The following THNSL1 variants were observed in gnomAD, a reference collection of about 807,000 sequenced individuals.
THNSL1 encodes the protein threonine synthase-like 1.
Under a neutral mutation model 50.4 loss-of-function variants are expected in THNSL1, and 48 were observed. The observed-to-expected ratio is 0.95, with a 90% confidence interval of 0.76 to 1.21. The LOEUF is 1.21. Ranked by LOEUF, THNSL1 falls within the 50% of genes most tolerant of loss-of-function variation. The pLI, the probability that THNSL1 is intolerant of heterozygous loss-of-function variation, is 0.00. For synonymous variants in THNSL1, 309 were observed against 306.1 expected (o/e 1.01, Z -0.10); for missense variants, 896 against 871.7 (o/e 1.03, Z -0.35).
At chr10:24,995,674 C>T in the THNSL1 span, 13 of 1,613,638 alleles carry the variant, frequency 8.1e-6, no homozygotes, top group Admixed American at 3.3e-5. Flanking sequence ...TGGAACTAGT[C>T]CTGAAGGCTC....
the THNSL1 span, among the ~76,000 whole-genome samples, chr10:25,004,813 T>C: frequency 6.6e-6 from 1 of 152,206 alleles, no homozygotes; most frequent in Non-Finnish European, 1.5e-5. Flanking sequence ...GCTTTTGGCA[T>C]CTTCATCATT....
At position 25,025,306 on chromosome 10, in the gene THNSL1, C is replaced by G. The variant is rs765528690; in HGVS notation, c.2083C>G (p.Leu695Val). The G allele has an allele frequency of 6.2e-7, 1 of 1,614,174 alleles. No individual in the cohort carries two copies. ...GACTTCATCAAGTCAGCTCTATTTG[C>G]TGGGTTCATACAATGCATTACCTCC... is the stretch of plus-strand genomic sequence containing the variant. Reference protein sequence around the residue: ...NETSSSQLYLLGSYNALPPLH... With the variant: ...NETSSSQLYLVGSYNALPPLH... Residue 695 changes from leucine to valine, a missense_variant, in exon 3 of 3, where the codon CTG becomes GTG. Coordinates refer to ENST00000376356, the MANE Select transcript of THNSL1 (RefSeq NM_024838.5).
the THNSL1 span, among the ~76,000 whole-genome samples, chr10:24,956,492 G>A: frequency 7.2e-6 from 1 of 138,572 alleles, no homozygotes; most frequent in Admixed American, 7.1e-5. Flanking sequence ...TTTATATTGT[G>A]TTTACTTACT....
chr10:25,002,015 T>C, the THNSL1 span, among the ~76,000 whole-genome samples: 4 of 152,224 alleles, frequency 2.6e-5, no homozygotes, highest in Admixed American at 2.0e-4. Flanking sequence ...TTAGCTTTTT[T>C]CTGGGATTCA....
upstream of THNSL1, among the ~76,000 whole-genome samples, chr10:25,012,547 C>T (rs1200544464): frequency 1.3e-5 from 2 of 152,198 alleles, no homozygotes; most frequent in Non-Finnish European, 2.9e-5. Context: ...GACATGGAGT[C>T]AAAGGAGATC....
intron 1 of THNSL1, among the ~76,000 whole-genome samples, chr10:25,019,873 T>C (rs1271517003): frequency 6.6e-6 from 1 of 152,188 alleles, no homozygotes; most frequent in Non-Finnish European, 1.5e-5. Flanking sequence ...ATCTTTTTTT[T>C]CCATTTCTCC....
chr10:24,987,247 G>A, the THNSL1 span, among the ~76,000 whole-genome samples: 3 of 152,200 alleles, frequency 2.0e-5, no homozygotes, highest in Non-Finnish European at 2.9e-5. Context: ...CCTTTCAAGC[G>A]TAGGTGGTGG....
chr10:24,959,350 C>A, the THNSL1 span, among the ~76,000 whole-genome samples: 2 of 152,064 alleles, frequency 1.3e-5, no homozygotes, highest in Non-Finnish European at 2.9e-5. Flanking sequence ...CCAGTGATTG[C>A]CAGGTTATGG....
the THNSL1 span, among the ~76,000 whole-genome samples, chr10:24,973,878 T>C: frequency 1.3e-5 from 2 of 152,080 alleles, no homozygotes; most frequent in African/African-American, 4.8e-5. Flanking sequence ...CTCAGCCCCC[T>C]GAGTAGCTGG....
the THNSL1 span, among the ~76,000 whole-genome samples, chr10:24,991,931 C>T: frequency 6.6e-6 from 1 of 152,186 alleles, no homozygotes; most frequent in African/African-American, 2.4e-5. Flanking sequence ...AGCCTCACAA[C>T]CTGCCCTTCG....
Position 25,024,291 on chromosome 10 carries a change from G to A in THNSL1, c.1068G>A (p.Gln356=), listed in dbSNP as rs1414123948. Residue 356 remains glutamine (Q), a synonymous_variant, in exon 3 of 3, where the codon CAG becomes CAA. Coordinates refer to ENST00000376356, the MANE Select transcript of THNSL1 (RefSeq NM_024838.5). ...PTGSFKDLSL[Q]LMPHIFAHCI... ...GATCATTTAAAGATTTGTCTTTACA[G>A]CTTATGCCTCATATTTTTGCACACT... The A allele has an allele frequency of 9.9e-6, 16 of 1,614,154 alleles. No individual in the cohort carries two copies. Among genetic ancestry groups the A allele is most frequent in the Non-Finnish European group, 1.4e-5 (16 of 1,180,016 alleles).
the THNSL1 span, among the ~76,000 whole-genome samples, chr10:24,967,893 TGTGTGTATGATGTATGTGTATAC>T: frequency 1.3e-5 from 2 of 151,874 alleles, no homozygotes; most frequent in Non-Finnish European, 2.9e-5. Flanking sequence ...TGTGTGTGTA[TGTGTGTATGATGTATGTGTATAC>T]GTGTGTATGA....
chr10:24,993,713 G>T, the THNSL1 span, among the ~76,000 whole-genome samples: 5 of 152,294 alleles, frequency 3.3e-5, no homozygotes, highest in African/African-American at 1.2e-4. Context: ...AACACCAAAA[G>T]GGCATTAGGT....
At chr10:25,001,637 C>T in the THNSL1 span, among the ~76,000 whole-genome samples, 8 of 151,966 alleles carry the variant, frequency 5.3e-5, no homozygotes, top group Non-Finnish European at 1.2e-4. Context: ...TTTTCAGTGT[C>T]TTAGCTGCGT....
chr10:25,024,023 TTCCTGC>T lies in THNSL1; in HGVS notation c.801_806del (p.Pro268_Ala269del). On this transcript the variant is annotated inframe_deletion, in exon 3 of 3. Transcript: ENST00000376356. ...TTGGCTTCTGATGGTGGCCTCTTTG[TTCCTGC>T]AAAGGAGTTTCCAAAATTAAGCTGC... The T allele has an allele frequency of 6.2e-7, 1 of 1,614,236 alleles. No homozygotes were observed.
the THNSL1 span, among the ~76,000 whole-genome samples, chr10:24,986,023 G>T: frequency 6.6e-6 from 1 of 152,116 alleles, no homozygotes; most frequent in African/African-American, 2.4e-5. Flanking sequence ...AGCGATGATT[G>T]CGCCACTGCA....
At chr10:24,961,149 A>G in the THNSL1 span, among the ~76,000 whole-genome samples, 2 of 152,348 alleles carry the variant, frequency 1.3e-5, no homozygotes, top group East Asian at 3.9e-4. Context: ...GCCTTCTTCC[A>G]GTTTTGTGAT....
the THNSL1 span, among the ~76,000 whole-genome samples, chr10:24,958,533 G>A: frequency 6.6e-6 from 1 of 152,152 alleles, no homozygotes; most frequent in Non-Finnish European, 1.5e-5. Context: ...CCCAACTTAA[G>A]CAAAGGCCTC....
At chr10:24,977,157 C>T in the THNSL1 span, among the ~76,000 whole-genome samples, 2 of 152,142 alleles carry the variant, frequency 1.3e-5, no homozygotes, top group African/African-American at 2.4e-5. Context: ...TACATGATGC[C>T]TTTTATGACA....
Sources: allele counts gnomAD v4.1 joint callset (sites outside exome capture counted in the v4.1 genomes callset), GRCh38; gene constraint gnomAD v4.1.1; transcripts MANE v1.5; gene names NCBI Gene and HGNC (gene_info 2026-07-23, HGNC 2026-07-21).